STX18: variants seen among roughly 807,000 people sequenced by gnomAD.
STX18 encodes the protein syntaxin-18.
A neutral mutation model predicts 50.1 loss-of-function variants in STX18; 40 were observed. That is an observed-to-expected ratio of 0.80 (90% CI 0.62 to 1.04). The LOEUF (loss-of-function observed/expected upper bound fraction) is 1.04. STX18 is among the 50% of genes least tolerant of loss of function. The pLI is 0.00. For synonymous variants in STX18, 158 were observed against 151.8 expected (o/e 1.04, Z -0.30); for missense variants, 410 against 415.8 (o/e 0.99, Z 0.12).
At chr4:4,500,666 C>T (rs1729407993) in intron 1 of STX18, among the ~76,000 whole-genome samples, 2 of 152,224 alleles carry the variant, frequency 1.3e-5, no homozygotes, top group South Asian at 4.1e-4. Context: ...CTTTACTCAA[C>T]ACCATGAGTA....
chr4:4,469,418 A>G (rs1727796417), intron 2 of STX18, among the ~76,000 whole-genome samples: 1 of 148,654 alleles, frequency 6.7e-6, no homozygotes, highest in African/African-American at 2.6e-5. Context: ...CACTGACGTG[A>G]AATGAAGCGA....
chr4:4,492,076 T>C (rs771058382), intron 1 of STX18, among the ~76,000 whole-genome samples: 1 of 152,078 alleles, frequency 6.6e-6, no homozygotes, highest in Non-Finnish European at 1.5e-5. Context: ...TGTTTAAACT[T>C]AGGAAAGAAA....
At chr4:4,463,191 T>C (rs1185389603) in intron 2 of STX18, among the ~76,000 whole-genome samples, 1 of 152,200 alleles carries the variant, frequency 6.6e-6, no homozygotes, top group Admixed American at 6.5e-5. Flanking sequence ...GTAAACATGT[T>C]AGACTTTGTG....
intron 1 of STX18, among the ~76,000 whole-genome samples, chr4:4,500,353 C>A (rs73796030): frequency 6.6e-6 from 1 of 152,128 alleles, no homozygotes; most frequent in Non-Finnish European, 1.5e-5. Context: ...AAAAAGGATG[C>A]TGCACCTGTA....
intron 1 of STX18, among the ~76,000 whole-genome samples, chr4:4,514,069 C>A (rs535317316): frequency 2.0e-5 from 3 of 152,272 alleles, no homozygotes; most frequent in South Asian, 4.2e-4. Flanking sequence ...CCACATACTT[C>A]AAAATCCACA....
At chr4:4,474,199 A>C (rs1414167351) in intron 1 of STX18, among the ~76,000 whole-genome samples, 2 of 152,144 alleles carry the variant, frequency 1.3e-5, no homozygotes, top group East Asian at 3.8e-4. Context: ...TTCCCGCACA[A>C]AACGCTACAT....
At position 4,541,996 on chromosome 4, in the gene STX18, C is replaced by T. The variant is rs1293660926; in HGVS notation, c.-32G>A. On this transcript the variant is annotated 5_prime_UTR_variant, in exon 1 of 11. Coordinates refer to ENST00000306200, the MANE Select transcript of STX18 (RefSeq NM_016930.4). Reference sequence around the variant, plus strand: ...CCGCACCCTCAGCCCCACACTAGGCCCGCCCACGTAAGCAGCCGGCGACCG... The same window carrying T: ...CCGCACCCTCAGCCCCACACTAGGCTCGCCCACGTAAGCAGCCGGCGACCG... 2 of 1,548,094 alleles carry T rather than the reference C, an allele frequency of 1.3e-6. No homozygotes were observed. Among genetic ancestry groups the T allele is most frequent in the Non-Finnish European group, 8.7e-7 (1 of 1,146,726 alleles).
chr4:4,496,025 A>C (rs543343038), intron 1 of STX18, among the ~76,000 whole-genome samples: 1 of 152,290 alleles, frequency 6.6e-6, no homozygotes, highest in South Asian at 2.1e-4. Flanking sequence ...CAAGTAATGT[A>C]CCTTCATTAA....
chr4:4,485,628 G>T (rs1728663131), intron 1 of STX18, among the ~76,000 whole-genome samples: 1 of 152,092 alleles, frequency 6.6e-6, no homozygotes, highest in Non-Finnish European at 1.5e-5. Flanking sequence ...ACCAATGATG[G>T]GAACGGCAGA....
chr4:4,470,076 G>A (rs6857666), intron 2 of STX18, among the ~76,000 whole-genome samples: 3 of 152,114 alleles, frequency 2.0e-5, no homozygotes, highest in South Asian at 4.2e-4. Flanking sequence ...GAATGCAAAC[G>A]CCATGAGGGC....
chr4:4,452,223 CATGACATTTAAAAAAAGAAGTCG>C (rs1193664703), intron 5 of STX18, among the ~76,000 whole-genome samples: 1 of 152,130 alleles, frequency 6.6e-6, no homozygotes, highest in East Asian at 1.9e-4. Context: ...GAGGTTGGTT[CATGACATTTAAAAAAAGAAGTCG>C]ATTCCATAAT....
At chr4:4,500,939 A>G (rs1301434238) in intron 1 of STX18, among the ~76,000 whole-genome samples, 1 of 152,172 alleles carries the variant, frequency 6.6e-6, no homozygotes, top group African/African-American at 2.4e-5. Flanking sequence ...CGGGAGGCTG[A>G]AGCAGGAGAA....
At chr4:4,478,934 T>G (rs1226474557) in intron 1 of STX18, 1 of 152,804 alleles carries the variant, frequency 6.5e-6, no homozygotes, top group Non-Finnish European at 1.5e-5. Context: ...TGGCTTTTTC[T>G]TGCTGACTCC....
chr4:4,464,902 G>GC (rs1560177374), intron 2 of STX18, among the ~76,000 whole-genome samples: 1 of 144,190 alleles, frequency 6.9e-6, no homozygotes, highest in African/African-American at 2.5e-5. Context: ...TTTTCGAAGC[G>GC]TTTTTTTTTT....
At chr4:4,532,832 T>C (rs1211416664) in intron 1 of STX18, among the ~76,000 whole-genome samples, 1 of 152,156 alleles carries the variant, frequency 6.6e-6, no homozygotes, top group Non-Finnish European at 1.5e-5. Flanking sequence ...TAGAATTCAC[T>C]GCTGGAGAAA....
intron 1 of STX18, among the ~76,000 whole-genome samples, chr4:4,495,369 C>G (rs976412885): frequency 1.3e-5 from 2 of 151,892 alleles, no homozygotes; most frequent in African/African-American, 4.8e-5. Context: ...TTCTTTCTTT[C>G]CTGTCTTTCT....
intron 1 of STX18, among the ~76,000 whole-genome samples, chr4:4,508,943 T>A (rs1169017921): frequency 6.6e-6 from 1 of 152,234 alleles, no homozygotes; most frequent in African/African-American, 2.4e-5. Flanking sequence ...TGTACTGCAT[T>A]TTCTCTAGCC....
At chr4:4,454,795 T>G (rs80055247) in intron 5 of STX18, among the ~76,000 whole-genome samples, 3,760 of 152,344 alleles carry the variant, frequency 0.025, 146 homozygotes, top group African/African-American at 0.085. Context: ...CCAAATTTGC[T>G]GAGCCCCAAT....
rs373836131 is a variant in STX18 at position 4,527,106 on chromosome 4, G to A, written c.168+14691C>T. On this transcript the variant is annotated intron_variant, in intron 1 of 10. Coordinates refer to ENST00000306200, the MANE Select transcript of STX18 (RefSeq NM_016930.4). ...TTGGGGCTGTAAAGTACCCCACGAC[G>A]CCTTCATCTGGGGACCTATTTATAT... 2.5e-3 allele frequency among the ~76,000 whole-genome samples: 379 copies of A among 152,182 alleles called. 2 individuals carry two copies. The highest frequency in any genetic ancestry group is 0.024 in the South Asian group (115 of 4,824).
Sources: gnomAD v4.1 joint callset for allele counts (sites outside exome capture counted in the v4.1 genomes callset) on GRCh38, gnomAD v4.1.1 for gene constraint, MANE v1.5 for transcripts, NCBI Gene and HGNC (gene_info 2026-07-23, HGNC 2026-07-21) for gene names.